Variants in CPSF2 observed in about 807,000 individuals in gnomAD.
CPSF2 encodes the protein cleavage and polyadenylation specific factor 2, also known as cleavage and polyadenylation specificity factor subunit 2.
A neutral mutation model predicts 84.2 loss-of-function variants in CPSF2; 51 were observed. The ratio of observed to expected loss-of-function variants is 0.61; its 90% CI spans 0.48 to 0.77. CPSF2 has a LOEUF of 0.77. Ranked by LOEUF, CPSF2 falls within the 30% of genes least tolerant of loss-of-function variation. The pLI, the probability that CPSF2 is intolerant of heterozygous loss-of-function variation, is 0.00. For synonymous variants in CPSF2, 286 were observed against 311.9 expected (o/e 0.92, Z 0.87); for missense variants, 641 against 929.4 (o/e 0.69, Z 4.03).
At chr14:92,139,498 T>C (rs1487099644) in intron 7 of CPSF2, among the ~76,000 whole-genome samples, 1 of 151,942 alleles carries the variant, frequency 6.6e-6, no homozygotes, top group African/African-American at 2.4e-5. Flanking sequence ...TGTTTTACAC[T>C]TTAATATAGT....
intron 5 of CPSF2, among the ~76,000 whole-genome samples, chr14:92,135,004 G>T (rs1054921702): frequency 6.6e-6 from 1 of 152,068 alleles, no homozygotes; most frequent in African/African-American, 2.4e-5. Flanking sequence ...TAGTTTAGAC[G>T]TTAGCAAAAA....
At chr14:92,160,447 A>G (rs750509686) in intron 14 of CPSF2, among the ~76,000 whole-genome samples, 7 of 152,234 alleles carry the variant, frequency 4.6e-5, no homozygotes, top group Admixed American at 6.5e-5. Context: ...TGAATCCTAC[A>G]TGCATGTCAA....
At chr14:92,142,831 G>A (rs2069095635) in intron 8 of CPSF2, among the ~76,000 whole-genome samples, 173 bp from the exon 9 acceptor site, 1 of 152,156 alleles carries the variant, frequency 6.6e-6, no homozygotes, top group African/African-American at 2.4e-5. Context: ...GAAAGTGAGG[G>A]TGGGATAATC....
At chr14:92,140,631 A>C (rs1311064615) in intron 7 of CPSF2, among the ~76,000 whole-genome samples, 2 of 151,374 alleles carry the variant, frequency 1.3e-5, no homozygotes, top group African/African-American at 2.4e-5. Flanking sequence ...ACGGGGTTTC[A>C]CCATGTTGGC....
chr14:92,122,978 C>T (rs1268290916), intron 1 of CPSF2, among the ~76,000 whole-genome samples: 1 of 150,694 alleles, frequency 6.6e-6, no homozygotes, highest in African/African-American at 2.4e-5. Flanking sequence ...CCACCATGCC[C>T]GGCCTTGCAA....
Position 92,167,558 on chromosome 14 carries a change from T to G in CPSF2, c.*5814T>G, listed in dbSNP as rs535313053. The G allele has an allele frequency of 3.9e-5, 6 of 152,284 alleles. No homozygotes were observed. In the South Asian group the frequency reaches 1.2e-3, roughly 32 times the overall value. 9.4% of individuals were successfully genotyped at this position (152,284 alleles called of 1,614,324 possible). A position where few individuals can be genotyped will look rare whatever the true frequency, so the allele number is the denominator to read the frequency against. ...TTGGAACCAAGTCTTAGAGAATCCA[T>G]TGTTGCTTCTACACTGCATTATTGC... On this transcript the variant is annotated 3_prime_UTR_variant, in exon 16 of 16. Coordinates refer to ENST00000298875, the MANE Select transcript of CPSF2 (RefSeq NM_017437.3).
rs892810187 is a variant in CPSF2, at chr14:92,165,487, G to A, written c.*3743G>A. 2 of 152,124 alleles carry A rather than the reference G, an allele frequency of 1.3e-5. No individual in the cohort carries two copies. Among genetic ancestry groups the A allele is most frequent in the African/African-American group, 4.8e-5 (2 of 41,434 alleles). 9.4% of individuals were successfully genotyped at this position (152,124 alleles called of 1,614,324 possible). The stretch of plus-strand genomic sequence containing the variant: ...GTCATCATAGTGTGGGTGAAGAAGT[G>A]TCTCACTGAGGTTTTGATTTGCATT... On this transcript the variant is annotated 3_prime_UTR_variant, in exon 16 of 16. Transcript: ENST00000298875.
intron 1 of CPSF2, among the ~76,000 whole-genome samples, chr14:92,125,819 A>G (rs1465804267): frequency 1.3e-5 from 2 of 151,886 alleles, no homozygotes; most frequent in Non-Finnish European, 2.9e-5. Context: ...CTTTGTTTCT[A>G]CCCATGTCTT....
chr14:92,151,440 A>G (rs2141474975), intron 9 of CPSF2, among the ~76,000 whole-genome samples: 1 of 146,356 alleles, frequency 6.8e-6, no homozygotes, highest in Admixed American at 7.1e-5. Flanking sequence ...GATACATAAA[A>G]AAAAAAAAAA....
intron 9 of CPSF2, among the ~76,000 whole-genome samples, chr14:92,147,333 A>G (rs2069156615): frequency 6.6e-6 from 1 of 152,246 alleles, no homozygotes; most frequent in Non-Finnish European, 1.5e-5. Context: ...CTCATTTAGA[A>G]AAAGCAAAAA....
rs376001388 is a variant in CPSF2, at chr14:92,165,705, C to T, written c.*3961C>T. On this transcript the variant is annotated 3_prime_UTR_variant, in exon 16 of 16. Coordinates refer to ENST00000298875, the MANE Select transcript of CPSF2 (RefSeq NM_017437.3). ...TTTATATATTTTCTGGATACTAAACCATTATATATTGATTTGCAAGTATTT... is the reference window on the plus strand; with the variant it reads ...TTTATATATTTTCTGGATACTAAACTATTATATATTGATTTGCAAGTATTT... 1.3e-5 allele frequency: 2 copies of T among 151,634 alleles called. No homozygotes were observed. Among genetic ancestry groups the T allele is most frequent in the African/African-American group, 2.4e-5 (1 of 41,246 alleles). The allele number at this position is 151,634 out of a possible 1,614,324, so 9.4% of individuals were successfully genotyped here. A position where few individuals can be genotyped will look rare whatever the true frequency, so the allele number is the denominator to read the frequency against.
Position 92,167,695 on chromosome 14 carries a change from T to G in CPSF2, c.*5951T>G, listed in dbSNP as rs1376683162. The G allele has an allele frequency of 6.6e-6, 1 of 152,190 alleles. No individual in the cohort carries two copies. Among genetic ancestry groups the G allele is most frequent in the Non-Finnish European group, 1.5e-5 (1 of 68,036 alleles). 9.4% of individuals were successfully genotyped at this position (152,190 alleles called of 1,614,324 possible). A position where few individuals can be genotyped will look rare whatever the true frequency, so the allele number is the denominator to read the frequency against. On this transcript the variant is annotated 3_prime_UTR_variant, in exon 16 of 16. Transcript: ENST00000298875. ...GTGGCATGCTGAGAAATAGATTGATTTCTATTCTATACTGTGTCCAGTAAA... is the reference window on the plus strand; with the variant it reads ...GTGGCATGCTGAGAAATAGATTGATGTCTATTCTATACTGTGTCCAGTAAA...
chr14:92,161,767 C>T lies in CPSF2; in HGVS notation c.*23C>T, dbSNP rs1333006401. 1 of 1,311,306 alleles carries T rather than the reference C, an allele frequency of 7.6e-7. No individual in the cohort carries two copies. The highest frequency in any genetic ancestry group is 1.5e-5 in the African/African-American group (1 of 65,604). 81.2% of individuals were successfully genotyped at this position (1,311,306 alleles called of 1,614,324 possible). The stretch of plus-strand genomic sequence containing the variant: ...TAAAGGACATGATGTCAAGAAGTAT[C>T]TGCTTGACCTTTCTAAGAAAAAGGG... On this transcript the variant is annotated 3_prime_UTR_variant, in exon 16 of 16. Transcript: ENST00000298875.
intron 2 of CPSF2, among the ~76,000 whole-genome samples, chr14:92,127,410 A>T (rs568920579): frequency 6.6e-6 from 1 of 152,348 alleles, no homozygotes; most frequent in East Asian, 1.9e-4. Flanking sequence ...TTATGAAAGT[A>T]TATCACTGGA....
Position 92,147,470 on chromosome 14 carries a change from A to G in CPSF2, c.1140+4176A>G, listed in dbSNP as rs1016747184. 2.0e-5 allele frequency among the ~76,000 whole-genome samples: 3 copies of G among 152,218 alleles called. No individual in the cohort carries two copies. In the East Asian group the frequency reaches 5.8e-4, roughly 29 times the overall value. On this transcript the variant is annotated intron_variant, in intron 9 of 15. Coordinates refer to ENST00000298875, the MANE Select transcript of CPSF2 (RefSeq NM_017437.3). ...TGGTTATTCTAGAAATCTGTTTCTG[A>G]ATAAGCCATTAATCTTACATATTTT...
rs1396646970 is a variant in CPSF2 at position 92,159,279 on chromosome 14, T to C, written c.2118T>C (p.His706=). The change falls in exon 14 of 16, where the codon CAT becomes CAC. Residue 706 remains histidine (H), a synonymous_variant. Coordinates refer to ENST00000298875, the MANE Select transcript of CPSF2 (RefSeq NM_017437.3). ...IIPTLEPLPP[H]EVPGHQSVFM... ...CTACTTTGGAACCCTTGCCACCTCA[T>C]GAGGTAAAAAAAGCATGTGCTTTTT... 1 of 1,578,182 alleles carries C rather than the reference T, an allele frequency of 6.3e-7. No homozygotes were observed. The highest frequency in any genetic ancestry group is 8.6e-7 in the Non-Finnish European group (1 of 1,162,990).
rs1007674031 is a variant in CPSF2 at position 92,169,928 on chromosome 14, A to G, written c.*8184A>G. On this transcript the variant is annotated 3_prime_UTR_variant, in exon 16 of 16. Coordinates refer to ENST00000298875, the MANE Select transcript of CPSF2 (RefSeq NM_017437.3). ...AAAGGCAGGAGGATTGCTTGAGCTC[A>G]GGAGTTTGAGACCAACCTGGGCAAC... 6 of 152,212 alleles carry G rather than the reference A, an allele frequency of 3.9e-5. No homozygotes were observed. The highest frequency in any genetic ancestry group is 7.2e-5 in the African/African-American group (3 of 41,414). The allele number at this position is 152,212 out of a possible 1,614,324, so 9.4% of individuals were successfully genotyped here.
chr14:92,156,661 GATT>G (rs754300251), intron 12 of CPSF2, 30 bp downstream of exon 12: 3 of 1,420,936 alleles, frequency 2.1e-6, no homozygotes, highest in African/African-American at 1.4e-5. Context: ...TTTGAAAATA[GATT>G]ATAAGATAAA....
At chr14:92,145,570 T>C (rs1226724409) in intron 9 of CPSF2, among the ~76,000 whole-genome samples, 3 of 152,204 alleles carry the variant, frequency 2.0e-5, no homozygotes, top group South Asian at 4.1e-4. Flanking sequence ...TGAGCAAGTA[T>C]AGCAAAGTAA....
Sources: allele counts gnomAD v4.1 joint callset (sites outside exome capture counted in the v4.1 genomes callset), GRCh38; gene constraint gnomAD v4.1.1; transcripts MANE v1.5; gene names NCBI Gene and HGNC (gene_info 2026-07-23, HGNC 2026-07-21).